ACSF3: variants seen among roughly 807,000 people sequenced by gnomAD.
The protein encoded by ACSF3 is malonate--CoA ligase ACSF3, mitochondrial.
A neutral mutation model predicts 53.2 loss-of-function variants in ACSF3; 78 were observed. That is an observed-to-expected ratio of 1.47 (90% confidence interval 1.22 to 1.77). The LOEUF (loss-of-function observed/expected upper bound fraction) is 1.77. Among genes scored for constraint, ACSF3 ranks in the 40% most tolerant of loss-of-function variants. The pLI, the probability that ACSF3 is intolerant of heterozygous loss-of-function variation, is 0.00. For synonymous variants in ACSF3, 414 were observed against 333.1 expected, an observed-to-expected ratio of 1.24 and a Z score of -2.65; for missense variants, 937 against 771.1, an observed-to-expected ratio of 1.22 and a Z score of -2.55.
At chr16:89,106,601 A>G (rs563622796) in intron 4 of ACSF3, among the ~76,000 whole-genome samples, 3 of 152,204 alleles carry the variant, frequency 2.0e-5, no homozygotes, top group Admixed American at 6.5e-5. Flanking sequence ...TGAAAACTTA[A>G]TATTTAAACA....
intron 10 of ACSF3, chr16:89,149,719 G>C (rs1353387052): frequency 1.3e-5 from 2 of 152,254 alleles, no homozygotes; most frequent in East Asian, 3.8e-4. Context: ...CTGGGTCTAG[G>C]GCTTTTCTGG....
At chr16:89,102,263 T>C (rs766157078) in intron 3 of ACSF3, 3 of 387,698 alleles carry the variant, frequency 7.7e-6, no homozygotes, top group African/African-American at 2.1e-5. Flanking sequence ...GATTCCAGCC[T>C]GAATGGCGCT....
intron 7 of ACSF3, among the ~76,000 whole-genome samples, chr16:89,121,661 T>G (rs1051628927): frequency 1.3e-5 from 2 of 152,208 alleles, no homozygotes; most frequent in African/African-American, 4.8e-5. Flanking sequence ...CCTGAGGTTT[T>G]CAAAGATCGA....
intron 8 of ACSF3, among the ~76,000 whole-genome samples, chr16:89,135,071 G>GTTTTTTTTTTTTTTTTTTTTTTTTGT (rs76337118): frequency 8.6e-6 from 1 of 115,640 alleles, no homozygotes; most frequent in Non-Finnish European, 1.8e-5. Context: ...TCTTTTCCTG[G>GTTTTTTTTTTTTTTTTTTTTTTTTGT]TTTTTTTTTT....
chr16:89,114,432 G>C lies in ACSF3; in HGVS notation c.1071G>C (p.Met357Ile), dbSNP rs562979085. 1.2e-5 allele frequency: 20 copies of C among 1,613,668 alleles called. No individual in the cohort carries two copies. The South Asian group carries it at 2.1e-4, about 17-fold the overall frequency. The change falls in exon 6 of 11, where the codon ATG becomes ATC. Residue 357 changes from methionine (M) to isoleucine (I), a missense_variant. Transcript: ENST00000614302. ...ACACCCTGCTGGAGCGGTATGGCATGACCGAGATCGGCATGGCTCTGTCCG... is the reference window on the plus strand; with the variant it reads ...ACACCCTGCTGGAGCGGTATGGCATCACCGAGATCGGCATGGCTCTGTCCG... ...TGHTLLERYGMTEIGMALSGP... is the reference protein window; with the variant it reads ...TGHTLLERYGITEIGMALSGP...
At chr16:89,141,079 G>T (rs1911656843) in intron 8 of ACSF3, 1 of 1,278,618 alleles carries the variant, frequency 7.8e-7, no homozygotes, top group Non-Finnish European at 1.0e-6. Context: ...ATCGCAAGTT[G>T]CCCTGGAGCC....
chr16:89,141,965 G>A (rs867645949), intron 8 of ACSF3, among the ~76,000 whole-genome samples: 2 of 152,194 alleles, frequency 1.3e-5, no homozygotes, highest in African/African-American at 2.4e-5. Context: ...GATTGGCTTC[G>A]CCCAGTGCTG....
In ACSF3 at chr16:89,112,144, C is replaced by T. The variant is rs1289447607; in HGVS notation, c.875C>T (p.Ala292Val). Residue 292 changes from alanine to valine, a missense_variant, in exon 5 of 11, where the codon GCA becomes GTA. Ala to Val is a moderately conservative substitution (Grantham distance 64). Transcript: ENST00000614302. ...ACGCCGCGGATCAATGTCTTTATGG[C>T]AGTGCCTACAATATACACCAAGCTG... ...SETPRINVFM[A>V]VPTIYTKLME... 1 of 1,126,124 alleles carries T rather than the reference C, an allele frequency of 8.9e-7. No homozygotes were observed. Among genetic ancestry groups the T allele is most frequent in the Non-Finnish European group, 1.1e-6 (1 of 905,778 alleles). The allele number at this position is 1,126,124 out of a possible 1,614,324, so 69.8% of individuals were successfully genotyped here.
intron 8 of ACSF3, among the ~76,000 whole-genome samples, chr16:89,141,469 G>A (rs1332024716): frequency 6.6e-6 from 1 of 152,250 alleles, no homozygotes; most frequent in Non-Finnish European, 1.5e-5. Flanking sequence ...ACTGGCCAGA[G>A]GAGGTGGAGC....
chr16:89,136,807 G>A (rs1567732719), intron 8 of ACSF3: 1 of 1,286,872 alleles, frequency 7.8e-7, no homozygotes, highest in Non-Finnish European at 1.0e-6. Flanking sequence ...GCTGCTCAAG[G>A]AGATGGCAAA....
chr16:89,136,362 A>G (rs1230546322), intron 8 of ACSF3, among the ~76,000 whole-genome samples: 1 of 152,220 alleles, frequency 6.6e-6, no homozygotes, highest in Non-Finnish European at 1.5e-5. Flanking sequence ...GCAAACAGGA[A>G]GGGAGTATGT....
At chr16:89,120,984 G>C in intron 7 of ACSF3, 71 bp downstream of exon 7, 1 of 1,371,554 alleles carries the variant, frequency 7.3e-7, no homozygotes, top group Non-Finnish European at 1.0e-6. Flanking sequence ...GGTTACACTG[G>C]TGCATCTTTC....
intron 7 of ACSF3, 97 bp downstream of exon 7, chr16:89,121,010 C>G (rs1487841602): frequency 1.8e-6 from 2 of 1,110,400 alleles, no homozygotes; most frequent in Non-Finnish European, 2.7e-6. Context: ...GAGGCAGACT[C>G]CCCTCCACGC....
chr16:89,123,244 A>G (rs930810376), intron 7 of ACSF3, among the ~76,000 whole-genome samples: 9 of 152,080 alleles, frequency 5.9e-5, no homozygotes, highest in African/African-American at 2.2e-4. Context: ...CCTGAGATTC[A>G]GGGCTCCCAG....
chr16:89,153,794 G>C (rs890406324), intron 10 of ACSF3: 4 of 451,620 alleles, frequency 8.9e-6, no homozygotes, highest in Admixed American at 7.0e-5. Flanking sequence ...CTGCCCTGCA[G>C]GCCACTCTGT....
At chr16:89,097,680 A>T (rs1050870922) in intron 1 of ACSF3, among the ~76,000 whole-genome samples, 1 of 152,192 alleles carries the variant, frequency 6.6e-6, no homozygotes, top group African/African-American at 2.4e-5. Context: ...GGTGAAGCCC[A>T]GTTGTTTTCT....
At chr16:89,118,610 C>G (rs1181518183) in intron 6 of ACSF3, among the ~76,000 whole-genome samples, 1 of 152,170 alleles carries the variant, frequency 6.6e-6, no homozygotes, top group African/African-American at 2.4e-5. Context: ...GTTATGGTTA[C>G]AGGCCTGCTC....
At chr16:89,112,548 T>C (rs994026945) in intron 5 of ACSF3, among the ~76,000 whole-genome samples, 2 of 152,078 alleles carry the variant, frequency 1.3e-5, no homozygotes, top group Non-Finnish European at 2.9e-5. Flanking sequence ...TCTCTCTCCA[T>C]CTCTCCATCT....
chr16:89,103,621 G>A (rs780341626), intron 4 of ACSF3, among the ~76,000 whole-genome samples: 2 of 152,238 alleles, frequency 1.3e-5, no homozygotes, highest in Non-Finnish European at 2.9e-5. Flanking sequence ...TCGGGGTGTA[G>A]GGCGTAGGGC....
Sources: allele counts gnomAD v4.1 joint callset (sites outside exome capture counted in the v4.1 genomes callset), GRCh38; gene constraint gnomAD v4.1.1; transcripts MANE v1.5; gene names NCBI Gene and HGNC (gene_info 2026-07-23, HGNC 2026-07-21).